The following ZNF324 variants were observed in gnomAD, a reference collection of about 807,000 sequenced individuals.
ZNF324 encodes the protein zinc finger protein 324.
Under a neutral mutation model 10.3 loss-of-function variants are expected in ZNF324, and 3 were observed. The ratio of observed to expected loss-of-function variants is 0.29; its 90% CI spans 0.13 to 0.75. ZNF324 has a LOEUF of 0.75. Among genes scored for constraint, ZNF324 ranks in the 30% least tolerant of loss-of-function variants. The probability of loss-of-function intolerance (pLI) is 0.69; values close to 1 mark genes in which losing one functional copy is unlikely to be tolerated. For missense variants in ZNF324, 763 were observed against 784.4 expected, an observed-to-expected ratio of 0.97 and a Z score of 0.33; for synonymous variants, 430 against 339.5, an observed-to-expected ratio of 1.27 and a Z score of -2.93.
At position 58,474,153 on chromosome 19, in the gene ZNF324, G is replaced by C. The variant is rs1283802031; in HGVS notation, c.*1999G>C. The C allele has an allele frequency of 6.6e-6, 1 of 152,220 alleles. No homozygotes were observed. Among genetic ancestry groups the C allele is most frequent in the Non-Finnish European group, 1.5e-5 (1 of 68,066 alleles). The allele number at this position is 152,220 out of a possible 1,614,324, so 9.4% of individuals were successfully genotyped here. The stretch of plus-strand genomic sequence containing the variant: ...AGGGAGTGGAGACACACAGAACCTA[G>C]CTCCCCTGGAGCCTGCAAGACTTGG... On this transcript the variant is annotated 3_prime_UTR_variant, in exon 4 of 4. Transcript: ENST00000196482.
At chr19:58,468,313 AC>A in intron 1 of ZNF324, 1 of 909,032 alleles carries the variant, frequency 1.1e-6, no homozygotes, top group Non-Finnish European at 1.3e-6. Flanking sequence ...GGTAAAGAAG[AC>A]CAGCTGGGAT....
chr19:58,469,667 T>C, intron 2 of ZNF324, 61 bp from the exon 3 acceptor site: 1 of 1,374,196 alleles, frequency 7.3e-7, no homozygotes, highest in East Asian at 2.5e-5. Context: ...TCCTGCCCTC[T>C]GTTTGGAGGT....
Position 58,471,431 on chromosome 19 carries a change from C to T in ZNF324, c.939C>T (p.Tyr313=), listed in dbSNP as rs372376324. The part of the protein sequence containing the change: ...HQRIHSGETP[Y]ACPVCGKAFR... ...GCATCCACAGCGGCGAGACGCCCTACGCGTGCCCCGTGTGCGGCAAGGCCT... is the reference window on the plus strand; with the variant it reads ...GCATCCACAGCGGCGAGACGCCCTATGCGTGCCCCGTGTGCGGCAAGGCCT... The change falls in exon 4 of 4, where the codon TAC becomes TAT. Residue 313 remains tyrosine, a synonymous_variant. Coordinates refer to ENST00000196482, the MANE Select transcript of ZNF324 (RefSeq NM_014347.3). 6.2e-4 allele frequency: 1,002 copies of T among 1,606,250 alleles called. No homozygotes were observed. Among genetic ancestry groups the T allele is most frequent in the Non-Finnish European group, 8.1e-4 (952 of 1,175,774 alleles).
At position 58,474,757 on chromosome 19, in the gene ZNF324, T is replaced by C. The variant is rs1380700282; in HGVS notation, c.*2603T>C. On this transcript the variant is annotated 3_prime_UTR_variant, in exon 4 of 4. Coordinates refer to ENST00000196482, the MANE Select transcript of ZNF324 (RefSeq NM_014347.3). ...TCCACTGAAACCACAGAGGGGAGTA[T>C]TTAAAACACATAACCCACAAGTATG... 2 of 152,132 alleles carry C rather than the reference T, an allele frequency of 1.3e-5. No individual in the cohort carries two copies. Among genetic ancestry groups the C allele is most frequent in the East Asian group, 3.9e-4 (2 of 5,174 alleles). 9.4% of individuals were successfully genotyped at this position (152,132 alleles called of 1,614,324 possible).
rs764282417 is a variant in ZNF324 at position 58,472,179 on chromosome 19, T to C, written c.*25T>C. 45 of 1,543,382 alleles carry C rather than the reference T, an allele frequency of 2.9e-5. No individual in the cohort carries two copies. The highest frequency in any genetic ancestry group is 3.7e-5 in the Non-Finnish European group (42 of 1,146,696). ...AGGTCACAGGTTGCAGCCCTGGCCTTCTGTGAATCCCTTCCACAGCTAAAG... is the reference window on the plus strand; with the variant it reads ...AGGTCACAGGTTGCAGCCCTGGCCTCCTGTGAATCCCTTCCACAGCTAAAG... On this transcript the variant is annotated 3_prime_UTR_variant, in exon 4 of 4. Coordinates refer to ENST00000196482, the MANE Select transcript of ZNF324 (RefSeq NM_014347.3).
rs537059481 is a variant in ZNF324, at chr19:58,469,770, G to A, written c.164G>A (p.Arg55His). 186 of 1,594,322 alleles carry A rather than the reference G, an allele frequency of 1.2e-4. 2 individuals are homozygous for A. In the South Asian group the frequency reaches 2.0e-3, roughly 17 times the overall value. ...SRPRVVIQLERGEEPWVPSGT... is the reference protein window; with the variant it reads ...SRPRVVIQLEHGEEPWVPSGT... ...CCTCGTGTGGTCATCCAACTGGAGC[G>A]TGGCGAGGAGCCCTGGGTTCCCAGT... Residue 55 changes from arginine (R) to histidine (H), a missense_variant, in exon 3 of 4, where the codon CGT (arginine) becomes CAT (histidine). By Grantham distance (29) the Arg-to-His change is conservative (BLOSUM62 0). Around this residue, in one of 3 missense-constraint regions of ZNF324, gnomAD observed 379 missense variants for 319.4 expected, o/e 1.19. Transcript: ENST00000196482.
In ZNF324 at chr19:58,470,826, G is replaced by A. The variant is rs1477616888; in HGVS notation, c.334G>A (p.Val112Ile). 22 of 1,614,208 alleles carry A rather than the reference G, an allele frequency of 1.4e-5. No homozygotes were observed. The highest frequency in any genetic ancestry group is 1.9e-5 in the Non-Finnish European group (22 of 1,180,050). ...TGGGATGACTACTAGCGTCTTCCCT[G>A]TTGCCGGTGCCTGCCACAGTGTAAA... ...PPGMTTSVFPVAGACHSVKSL... is the reference protein window; with the variant it reads ...PPGMTTSVFPIAGACHSVKSL... Residue 112 changes from valine (V) to isoleucine (I), a missense_variant, in exon 4 of 4, where the codon GTT (valine) becomes ATT (isoleucine). Val to Ile is a conservative substitution (Grantham distance 29, BLOSUM62 3). Transcript: ENST00000196482.
rs901179112 is a variant in ZNF324, at chr19:58,469,130, G to A, written c.-6-50G>A. On this transcript the variant is annotated intron_variant, in intron 1 of 3. Transcript: ENST00000196482. ...TGTGGCCCAGGGAAGCCAAAAGATT[G>A]GATAACCCAGCCTTAGACCATGGCT... The A allele has an allele frequency of 2.1e-5, 34 of 1,612,938 alleles. No individual in the cohort carries two copies. The African/African-American group carries it at 4.0e-4, about 19-fold the overall frequency.
In ZNF324 at chr19:58,472,234, A is replaced by AG. The variant is rs1362631195; in HGVS notation, c.*81dup. 11 of 1,396,272 alleles carry AG rather than the reference A, an allele frequency of 7.9e-6. No homozygotes were observed. The highest frequency in any genetic ancestry group is 9.5e-6 in the Non-Finnish European group (10 of 1,052,592). 86.5% of individuals were successfully genotyped at this position (1,396,272 alleles called of 1,614,324 possible). ...TATGTCCTCTGCAGATCCACAGCAG[A>AG]GAAAAAGTCCCGTGCTTGCTAGTCA... On this transcript the variant is annotated 3_prime_UTR_variant, in exon 4 of 4. Coordinates refer to ENST00000196482, the MANE Select transcript of ZNF324 (RefSeq NM_014347.3).
Position 58,472,214 on chromosome 19 carries a change from C to A in ZNF324, c.*60C>A. The stretch of plus-strand genomic sequence containing the variant: ...CCTTCCACAGCTAAAGGGCATATGT[C>A]CTCTGCAGATCCACAGCAGAGAAAA... On this transcript the variant is annotated 3_prime_UTR_variant, in exon 4 of 4. Transcript: ENST00000196482. 2.7e-6 allele frequency: 4 copies of A among 1,460,846 alleles called. No individual in the cohort carries two copies. The highest frequency in any genetic ancestry group is 3.6e-6 in the Non-Finnish European group (4 of 1,096,318). The allele number at this position is 1,460,846 out of a possible 1,614,324, so 90.5% of individuals were successfully genotyped here.
Position 58,471,122 on chromosome 19 carries a change from C to T in ZNF324, c.630C>T (p.Ala210=). ...QEVPGRTFGS[A]QDLEAAGGRG... ...TCCCTGGGAGAACCTTTGGGAGCGC[C>T]CAGGACCTGGAGGCTGCCGGCGGTC... The change falls in exon 4 of 4, where the codon GCC becomes GCT. Residue 210 remains alanine, a synonymous_variant. Transcript: ENST00000196482. The T allele has an allele frequency of 1.2e-6, 2 of 1,613,876 alleles. No homozygotes were observed. The highest frequency in any genetic ancestry group is 1.3e-5 in the African/African-American group (1 of 75,060).
Position 58,472,350 on chromosome 19 carries a change from GAGGTAGCACTGC to G in ZNF324, c.*199_*210del. On this transcript the variant is annotated 3_prime_UTR_variant, in exon 4 of 4. Coordinates refer to ENST00000196482, the MANE Select transcript of ZNF324 (RefSeq NM_014347.3). ...CACAGATCACACCTCCATCCCCAAA[GAGGTAGCACTGC>G]AGCAACATCAGGGGGAGGACGTGGT... 1.6e-6 allele frequency: 1 copy of G among 606,912 alleles called. No homozygotes were observed. Among genetic ancestry groups the G allele is most frequent in the South Asian group, 2.3e-5 (1 of 43,188 alleles). The allele number at this position is 606,912 out of a possible 1,614,324, so 37.6% of individuals were successfully genotyped here. A position where few individuals can be genotyped will look rare whatever the true frequency, so the allele number is the denominator to read the frequency against.
rs887363449 is a variant in ZNF324 at position 58,474,689 on chromosome 19, CA to C, written c.*2539del. 5 of 152,098 alleles carry C rather than the reference CA, an allele frequency of 3.3e-5. No homozygotes were observed. Among genetic ancestry groups the C allele is most frequent in the African/African-American group, 1.2e-4 (5 of 41,380 alleles). 9.4% of individuals were successfully genotyped at this position (152,098 alleles called of 1,614,324 possible). Reference sequence around the variant, plus strand: ...TAAAAGTATCCCTGGGCTTCTATGTCAAAAGGTCAGACTGAACACATGCATC... The same window carrying C: ...TAAAAGTATCCCTGGGCTTCTATGTCAAAGGTCAGACTGAACACATGCATC... On this transcript the variant is annotated 3_prime_UTR_variant, in exon 4 of 4. Transcript: ENST00000196482.
In ZNF324 at chr19:58,472,101, G is replaced by C. The variant is rs758401311; in HGVS notation, c.1609G>C (p.Glu537Gln). ...SSEGAPAKET[E>Q]PTPASGPAAV... ...AGAAGGTGCGCCAGCGAAGGAAACC[G>C]AGCCCACTCCCGCCTCGGGCCCAGC... The change falls in exon 4 of 4, where the codon GAG (glutamate) becomes CAG (glutamine). Residue 537 changes from glutamate to glutamine, a missense_variant. By Grantham distance (29) the Glu-to-Gln change is conservative. Transcript: ENST00000196482. 3.8e-6 allele frequency: 6 copies of C among 1,596,120 alleles called. No individual in the cohort carries two copies. The highest frequency in any genetic ancestry group is 5.1e-6 in the Non-Finnish European group (6 of 1,172,430).
intron 2 of ZNF324, among the ~76,000 whole-genome samples, 162 bp downstream of exon 2, chr19:58,469,468 C>T (rs1568610819): frequency 1.3e-5 from 2 of 152,238 alleles, no homozygotes; most frequent in Admixed American, 6.5e-5. Context: ...CTGGTTGGCT[C>T]AACCACTCCC....
At position 58,471,774 on chromosome 19, in the gene ZNF324, C is replaced by T; in HGVS notation, c.1282C>T (p.Pro428Ser). 3.7e-6 allele frequency: 6 copies of T among 1,612,854 alleles called. No individual in the cohort carries two copies. Among genetic ancestry groups the T allele is most frequent in the Non-Finnish European group, 5.1e-6 (6 of 1,179,726 alleles). Reference sequence around the variant, plus strand: ...CACAGGCGAGAAGCCCTTCGCCTGCCCACAGTGCGGCCGCGCCTTTAGCCA... The same window carrying T: ...CACAGGCGAGAAGCCCTTCGCCTGCTCACAGTGCGGCCGCGCCTTTAGCCA... Reference protein sequence around the residue: ...VHTGEKPFACPQCGRAFSHSS... With the variant: ...VHTGEKPFACSQCGRAFSHSS... Residue 428 changes from proline to serine, a missense_variant, in exon 4 of 4, where the codon CCA becomes TCA. This residue lies in a region of ZNF324 where 231 missense variants were observed against 196.0 expected (regional missense o/e 1.18). Coordinates refer to ENST00000196482, the MANE Select transcript of ZNF324 (RefSeq NM_014347.3).
Position 58,469,226 on chromosome 19 carries a change from A to C in ZNF324, c.41A>C (p.Glu14Ala). The C allele has an allele frequency of 1.9e-6, 3 of 1,614,012 alleles. No individual in the cohort carries two copies. The highest frequency in any genetic ancestry group is 2.5e-6 in the Non-Finnish European group (3 of 1,180,010). ...EDVAVYFSQE[E>A]WGLLDTAQRA... Reference sequence around the variant, plus strand: ...GTGGCTGTGTACTTCTCCCAGGAGGAGTGGGGGCTCCTGGACACAGCCCAG... The same window carrying C: ...GTGGCTGTGTACTTCTCCCAGGAGGCGTGGGGGCTCCTGGACACAGCCCAG... The change falls in exon 2 of 4, where the codon GAG (glutamate) becomes GCG (alanine). Residue 14 changes from glutamate to alanine, a missense_variant. Glu to Ala is a moderately radical substitution (Grantham distance 107). Transcript: ENST00000196482.
rs753075403 is a variant in ZNF324, at chr19:58,470,606, T to C, written c.239-125T>C. 10 of 1,221,450 alleles carry C rather than the reference T, an allele frequency of 8.2e-6. No homozygotes were observed. In the Admixed American group the frequency reaches 1.8e-4, roughly 22 times the overall value. 75.7% of individuals were successfully genotyped at this position (1,221,450 alleles called of 1,614,324 possible). On this transcript the variant is annotated intron_variant, in intron 3 of 3. Transcript: ENST00000196482. ...CCCAGCCCCTCCTGCAGGGCCAGCC[T>C]CACCTCTACTTTTCCCCTAAGCTTT...
At position 58,471,085 on chromosome 19, in the gene ZNF324, G is replaced by C. The variant is rs1232903269; in HGVS notation, c.593G>C (p.Cys198Ser). 2 of 1,613,766 alleles carry C rather than the reference G, an allele frequency of 1.2e-6. No individual in the cohort carries two copies. The highest frequency in any genetic ancestry group is 1.7e-6 in the Non-Finnish European group (2 of 1,180,046). The change falls in exon 4 of 4, where the codon TGT (cysteine) becomes TCT (serine). Residue 198 changes from cysteine to serine, a missense_variant. This residue lies in a region of ZNF324 where 379 missense variants were observed against 319.4 expected (regional missense o/e 1.19). Coordinates refer to ENST00000196482, the MANE Select transcript of ZNF324 (RefSeq NM_014347.3). Reference protein sequence around the residue: ...QPRTPERQKPCAQEVPGRTFG... With the variant: ...QPRTPERQKPSAQEVPGRTFG... ...AGGACGCCTGAGCGGCAGAAACCAT[G>C]TGCACAGGAGGTCCCTGGGAGAACC...
Sources: allele counts gnomAD v4.1 joint callset (sites outside exome capture counted in the v4.1 genomes callset), GRCh38; gene constraint gnomAD v4.1.1; regional missense constraint gnomAD v4.1.1; transcripts MANE v1.5; gene names NCBI Gene and HGNC (gene_info 2026-07-23, HGNC 2026-07-21).